Variants in SAE1 observed in about 807,000 individuals in gnomAD.
SAE1 encodes SUMO1 activating enzyme subunit 1.
Under a neutral mutation model 40.6 loss-of-function variants are expected in SAE1, and 11 were observed. That is an observed-to-expected ratio of 0.27 (90% confidence interval 0.17 to 0.45). SAE1 has a LOEUF of 0.45. Among genes scored for constraint, SAE1 ranks in the 20% least tolerant of loss-of-function variants. SAE1 has a pLI of 1.00. For synonymous variants in SAE1, 155 were observed against 154.3 expected (o/e 1.00, Z -0.03); for missense variants, 373 against 427.3 (o/e 0.87, Z 1.12).
Position 47,130,850 on chromosome 19 carries a change from C to T in SAE1, c.-81C>T. The T allele has an allele frequency of 6.5e-7, 1 of 1,541,208 alleles. No homozygotes were observed. Among genetic ancestry groups the T allele is most frequent in the Non-Finnish European group, 8.7e-7 (1 of 1,143,354 alleles). ...GCGCAGAAGCACTCCGGGCGTGCTG[C>T]CGGCGGCGGTAGGTGGCGCGCGGGT... On this transcript the variant is annotated 5_prime_UTR_variant, in exon 1 of 9. Transcript: ENST00000270225.
At chr19:47,160,638 G>A (rs1276318878) in intron 5 of SAE1, among the ~76,000 whole-genome samples, 7 of 151,418 alleles carry the variant, frequency 4.6e-5, no homozygotes, top group African/African-American at 1.5e-4. Context: ...CTCGTGATCC[G>A]CCCACCTCGG....
At chr19:47,195,093 T>G (rs1024417932) in intron 6 of SAE1, among the ~76,000 whole-genome samples, 3 of 150,886 alleles carry the variant, frequency 2.0e-5, no homozygotes, top group Non-Finnish European at 4.4e-5. Flanking sequence ...CTCACTCTGT[T>G]GCCCAGGCTG....
intron 6 of SAE1, among the ~76,000 whole-genome samples, chr19:47,196,385 A>G (rs1167093254): frequency 2.9e-5 from 3 of 104,184 alleles, no homozygotes; most frequent in South Asian, 6.7e-4. Flanking sequence ...CTTTTTTGAG[A>G]CGGAGTCTCA....
intron 8 of SAE1, among the ~76,000 whole-genome samples, chr19:47,207,887 C>T (rs1004252309): frequency 3.3e-5 from 5 of 152,136 alleles, no homozygotes; most frequent in South Asian, 2.1e-4. Flanking sequence ...TCTCCCGCCT[C>T]GGCCTCCCTA....
chr19:47,181,237 AC>A (rs2058504064), intron 6 of SAE1, among the ~76,000 whole-genome samples: 1 of 151,568 alleles, frequency 6.6e-6, no homozygotes, highest in South Asian at 2.1e-4. Context: ...AATCGCTTGA[AC>A]CCAGGAGGCG....
At chr19:47,168,192 G>GAA (rs200766691) in intron 5 of SAE1, among the ~76,000 whole-genome samples, 1 of 148,430 alleles carries the variant, frequency 6.7e-6, no homozygotes, top group East Asian at 2.0e-4. Flanking sequence ...AGACTGTCTG[G>GAA]AAAAAAAAAA....
intron 6 of SAE1, among the ~76,000 whole-genome samples, chr19:47,194,038 C>T (rs2058597794): frequency 6.6e-6 from 1 of 151,888 alleles, no homozygotes; most frequent in African/African-American, 2.4e-5. Flanking sequence ...CTTCTTGGAA[C>T]ACTTTATAAC....
At chr19:47,151,480 TTTC>T (rs1272755435) in intron 3 of SAE1, among the ~76,000 whole-genome samples, 3 of 151,658 alleles carry the variant, frequency 2.0e-5, no homozygotes, top group African/African-American at 7.3e-5. Context: ...TCTTTCTTTC[TTTC>T]TTTTTTGAGA....
At chr19:47,196,333 CTTTTTTTTTTTTTTTTTTT>C (rs61498882) in intron 6 of SAE1, among the ~76,000 whole-genome samples, 5 of 27,882 alleles carry the variant, frequency 1.8e-4, no homozygotes, top group East Asian at 3.2e-3. Context: ...CCGCGCCTGG[CTTTTTTTTTTTTTTTTTTT>C]TTTTTTTTTT....
chr19:47,190,948 C>A (rs184853787), intron 6 of SAE1, among the ~76,000 whole-genome samples: 168 of 152,324 alleles, frequency 1.1e-3, no homozygotes, highest in Middle Eastern at 0.01. Flanking sequence ...CACTTGGAAT[C>A]CTAGGTGCTG....
chr19:47,152,758 G>A (rs1568590271), intron 3 of SAE1, 140 bp from the exon 4 acceptor site: 1 of 698,764 alleles, frequency 1.4e-6, no homozygotes, highest in Non-Finnish European at 2.3e-6. Context: ...TAGCCATAGG[G>A]CCCAAAGAAC....
intron 2 of SAE1, among the ~76,000 whole-genome samples, chr19:47,144,661 TGCACTCCA>T (rs1409257785): frequency 3.3e-5 from 5 of 151,946 alleles, no homozygotes. Context: ...ATCATGCCAC[TGCACTCCA>T]GCCTTGGCAA....
intron 5 of SAE1, among the ~76,000 whole-genome samples, chr19:47,167,646 G>A (rs2058402687): frequency 6.6e-6 from 1 of 152,098 alleles, no homozygotes; most frequent in African/African-American, 2.4e-5. Context: ...AAATTATGCT[G>A]TTATCATCTT....
At chr19:47,201,127 C>T (rs1432468287) in intron 7 of SAE1, among the ~76,000 whole-genome samples, 1 of 151,886 alleles carries the variant, frequency 6.6e-6, no homozygotes, top group Non-Finnish European at 1.5e-5. Flanking sequence ...CTGCAACCTC[C>T]GCCTCTGTGC....
intron 5 of SAE1, among the ~76,000 whole-genome samples, chr19:47,169,439 T>C (rs545915622): frequency 6.6e-6 from 1 of 151,966 alleles, no homozygotes; most frequent in African/African-American, 2.4e-5. Flanking sequence ...GAGACGGGGG[T>C]TTCACCATGT....
At chr19:47,133,361 G>A (rs2058159210) in intron 1 of SAE1, among the ~76,000 whole-genome samples, 1 of 152,174 alleles carries the variant, frequency 6.6e-6, no homozygotes, top group South Asian at 2.1e-4. Context: ...GAGTAGCTGG[G>A]ACTATCGGCA....
intron 8 of SAE1, among the ~76,000 whole-genome samples, chr19:47,204,357 C>G (rs555764604): frequency 5.3e-4 from 81 of 151,576 alleles, no homozygotes; most frequent in Non-Finnish European, 8.4e-4. Context: ...GCCACCACGC[C>G]CAGCTAATTT....
intron 1 of SAE1, among the ~76,000 whole-genome samples, chr19:47,141,508 G>A (rs1256877160): frequency 6.6e-6 from 1 of 152,126 alleles, no homozygotes; most frequent in Non-Finnish European, 1.5e-5. Context: ...GTCGTGGAGA[G>A]CAGATTTATT....
chr19:47,209,109 A>T (rs1359962654), intron 8 of SAE1, 50 bp from the exon 9 acceptor site: 13 of 1,576,960 alleles, frequency 8.2e-6, no homozygotes, highest in Admixed American at 5.4e-5. Context: ...TTTTCCCTCT[A>T]TTCCTCTTAA....
Sources: gnomAD v4.1 joint callset for allele counts (sites outside exome capture counted in the v4.1 genomes callset) on GRCh38, gnomAD v4.1.1 for gene constraint, MANE v1.5 for transcripts, NCBI Gene and HGNC (gene_info 2026-07-23, HGNC 2026-07-21) for gene names.